Variants in SYNE2 observed in about 807,000 individuals in gnomAD.
SYNE2 encodes nesprin-2.
In SYNE2, 431 loss-of-function variants were observed where a neutral mutation model predicts 856.3. The observed-to-expected ratio is 0.50, with a 90% CI of 0.47 to 0.55. SYNE2 has a LOEUF of 0.55. SYNE2 is among the 20% of genes least tolerant of loss of function. The pLI is 0.00. For synonymous variants in SYNE2, 2,923 were observed against 2,872.3 expected (o/e 1.02, Z -0.56); for missense variants, 8,129 against 8,023.2 (o/e 1.01, Z -0.50).
chr14:64,212,985 C>T lies in SYNE2; in HGVS notation c.19036C>T (p.Arg6346Trp), dbSNP rs764133325. Residue 6346 changes from arginine to tryptophan, a missense_variant, in exon 105 of 116, where the codon CGG becomes TGG. By Grantham distance (101) the Arg-to-Trp change is moderately radical (BLOSUM62 -3). Transcript: ENST00000555002. ...VFGRVSRFHR[R>W]LTSCTPGLED... Reference sequence around the variant, plus strand: ...TGGAAGGGTCTCCCGGTTCCACCGGCGGCTCACCTCCTGCACTCCGGTACG... The same window carrying T: ...TGGAAGGGTCTCCCGGTTCCACCGGTGGCTCACCTCCTGCACTCCGGTACG... 9 of 1,613,540 alleles carry T rather than the reference C, an allele frequency of 5.6e-6. No homozygotes were observed. Among genetic ancestry groups the T allele is most frequent in the African/African-American group, 2.7e-5 (2 of 74,914 alleles).
At chr14:63,977,300 C>T (rs2096551681) in intron 12 of SYNE2, among the ~76,000 whole-genome samples, 1 of 152,066 alleles carries the variant, frequency 6.6e-6, no homozygotes, top group African/African-American at 2.4e-5. Context: ...GCAAGCACCG[C>T]CTCCTGGGTT....
At chr14:64,218,300 C>T (rs1242177601) in intron 108 of SYNE2, 98 bp from the exon 109 acceptor site, 1 of 1,068,974 alleles carries the variant, frequency 9.4e-7, no homozygotes, top group Non-Finnish European at 1.4e-6. Context: ...GGAAAGGGGC[C>T]CATCTCATTT....
At chr14:64,093,932 A>C (rs1389992472) in intron 61 of SYNE2, among the ~76,000 whole-genome samples, 1 of 152,220 alleles carries the variant, frequency 6.6e-6, no homozygotes, top group African/African-American at 2.4e-5. Context: ...CAGGCAGTGT[A>C]GGCAGGCTGG....
Position 64,065,580 on chromosome 14 carries a change from T to C in SYNE2, c.10361T>C (p.Leu3454Pro). 6.2e-7 allele frequency: 1 copy of C among 1,614,180 alleles called. No homozygotes were observed. The highest frequency in any genetic ancestry group is 8.5e-7 in the Non-Finnish European group (1 of 1,180,032). ...SALWEKWLSLLEAAKEWEMWC... is the reference protein window; with the variant it reads ...SALWEKWLSLPEAAKEWEMWC... The stretch of plus-strand genomic sequence containing the variant: ...CTGTGGGAGAAATGGCTGAGTTTGC[T>C]GGAAGCTGCTAAAGAGTGGGAGATG... The change falls in exon 51 of 116, where the codon CTG (leucine) becomes CCG (proline). Residue 3454 changes from leucine to proline, a missense_variant. Around this residue, in one of 3 missense-constraint regions of SYNE2, gnomAD observed 5,410 missense variants for 5,284.8 expected, o/e 1.02. Coordinates refer to ENST00000555002, the MANE Select transcript of SYNE2 (RefSeq NM_182914.3).
chr14:63,923,989 T>C (rs775621265), intron 2 of SYNE2, among the ~76,000 whole-genome samples: 12 of 152,004 alleles, frequency 7.9e-5, no homozygotes, highest in Non-Finnish European at 1.5e-4. Flanking sequence ...TTTATTTTTG[T>C]AGAGACACGG....
Position 64,052,725 on chromosome 14 carries a change from G to T in SYNE2, c.8812G>T (p.Val2938Leu), listed in dbSNP as rs1423912436. 2 of 1,613,560 alleles carry T rather than the reference G, an allele frequency of 1.2e-6. No individual in the cohort carries two copies. The highest frequency in any genetic ancestry group is 1.3e-5 in the African/African-American group (1 of 74,896). ...ATTCATTCAGAATACATGTAATGAA[G>T]TGGAACACAAGATAAAGTTTTGCAG... ...QRFIQNTCNE[V>L]EHKIKFCRQF... Residue 2938 changes from valine to leucine, a missense_variant, in exon 48 of 116, where the codon GTG (valine) becomes TTG (leucine). Physicochemically the swap from Val to Leu is conservative, Grantham distance 32. This residue lies in a region of SYNE2 where 5,410 missense variants were observed against 5,284.8 expected (regional missense o/e 1.02). Transcript: ENST00000555002.
intron 1 of SYNE2, among the ~76,000 whole-genome samples, chr14:63,815,069 CAT>C (rs138899560): frequency 1.1e-4 from 9 of 83,268 alleles, no homozygotes; most frequent in African/African-American, 2.1e-4. Flanking sequence ...TATACATCCA[CAT>C]ATATATATCC....
At chr14:63,881,395 C>T (rs1311234369) in intron 1 of SYNE2, among the ~76,000 whole-genome samples, 2 of 151,834 alleles carry the variant, frequency 1.3e-5, no homozygotes, top group Admixed American at 6.6e-5. Flanking sequence ...GGCACAGTGG[C>T]TTACGGCTGT....
At chr14:64,184,329 G>GTGTGT (rs2098477436) in intron 96 of SYNE2, among the ~76,000 whole-genome samples, 3 of 144,164 alleles carry the variant, frequency 2.1e-5, no homozygotes, top group South Asian at 2.3e-4. Flanking sequence ...TATGCATAGG[G>GTGTGT]GTGTGTGTGT....
At chr14:64,165,156 G>T (rs2098366271) in intron 89 of SYNE2, 129 bp from the exon 90 acceptor site, 2 of 918,854 alleles carry the variant, frequency 2.2e-6, no homozygotes, top group Admixed American at 1.9e-5. Context: ...CAAAGTGCTG[G>T]GATTACAGCC....
chr14:64,076,468 A>G (rs1359948429), intron 54 of SYNE2, among the ~76,000 whole-genome samples: 2 of 152,198 alleles, frequency 1.3e-5, no homozygotes, highest in Non-Finnish European at 2.9e-5. Flanking sequence ...ACATTTTGAC[A>G]TTACAACTAA....
At chr14:64,036,486 T>C (rs2097091603) in intron 45 of SYNE2, among the ~76,000 whole-genome samples, 1 of 152,246 alleles carries the variant, frequency 6.6e-6, no homozygotes, top group South Asian at 2.1e-4. Flanking sequence ...GGTTTCACCA[T>C]GTTGCCCGGG....
At chr14:64,061,570 G>T (rs989674473) in intron 49 of SYNE2, among the ~76,000 whole-genome samples, 3 of 152,122 alleles carry the variant, frequency 2.0e-5, no homozygotes, top group African/African-American at 4.8e-5. Context: ...GTAAGAAGAG[G>T]TATTTCATCG....
chr14:64,119,182 T>A (rs1042740003), intron 66 of SYNE2, among the ~76,000 whole-genome samples: 1 of 152,188 alleles, frequency 6.6e-6, no homozygotes, highest in Non-Finnish European at 1.5e-5. Context: ...GTAAGGCGAC[T>A]ATAGAGTCAT....
chr14:64,217,715 C>T (rs566403974), intron 108 of SYNE2, among the ~76,000 whole-genome samples: 16 of 152,206 alleles, frequency 1.1e-4, no homozygotes, highest in African/African-American at 3.6e-4. Flanking sequence ...GTGTCTGAAG[C>T]CAGATGTATC....
At chr14:63,874,938 G>A (rs1478099737) in intron 1 of SYNE2, among the ~76,000 whole-genome samples, 1 of 152,066 alleles carries the variant, frequency 6.6e-6, no homozygotes, top group African/African-American at 2.4e-5. Context: ...TGGTACAAAG[G>A]GTGTGGTGTT....
intron 11 of SYNE2, among the ~76,000 whole-genome samples, chr14:63,972,288 A>G (rs997233689): frequency 4.6e-5 from 7 of 152,226 alleles, no homozygotes; most frequent in Non-Finnish European, 1.0e-4. Context: ...TCCAGGCCAC[A>G]GAGACCTGGC....
chr14:63,853,534 G>A (rs1272596836), intron 1 of SYNE2, among the ~76,000 whole-genome samples: 1 of 151,724 alleles, frequency 6.6e-6, no homozygotes, highest in Admixed American at 6.6e-5. Context: ...CCCAGGCCCC[G>A]GCCCTCGGGG....
At chr14:63,788,589 C>T (rs1258117613) in intron 1 of SYNE2, among the ~76,000 whole-genome samples, 2 of 152,176 alleles carry the variant, frequency 1.3e-5, no homozygotes, top group East Asian at 1.9e-4. Flanking sequence ...CCCAGGTCTA[C>T]AGGCACGGTT....
Sources: allele counts gnomAD v4.1 joint callset (sites outside exome capture counted in the v4.1 genomes callset), GRCh38; gene constraint gnomAD v4.1.1; regional missense constraint gnomAD v4.1.1; transcripts MANE v1.5; gene names NCBI Gene and HGNC (gene_info 2026-07-23, HGNC 2026-07-21).